Variants in CFAP54 observed in about 807,000 individuals in gnomAD.
CFAP54 encodes cilia and flagella associated protein 54.
Under a neutral mutation model 370.4 loss-of-function variants are expected in CFAP54, and 290 were observed. The observed-to-expected ratio is 0.78, with a 90% CI of 0.71 to 0.86. The LOEUF is 0.86. CFAP54 is among the 40% of genes least tolerant of loss of function. The pLI, the probability that CFAP54 is intolerant of heterozygous loss-of-function variation, is 0.00. For missense variants in CFAP54, 3,399 were observed against 3,528.7 expected (o/e 0.96, Z 0.93); for synonymous variants, 1,206 against 1,236.5 (o/e 0.98, Z 0.52).
At chr12:96,550,147 C>G (rs2136396488) in intron 15 of CFAP54, among the ~76,000 whole-genome samples, 1 of 152,214 alleles carries the variant, frequency 6.6e-6, no homozygotes, top group African/African-American at 2.4e-5. Flanking sequence ...TAGCCCTATA[C>G]CTGCGACATG....
At chr12:96,548,054 TA>T in intron 15 of CFAP54, 76 bp downstream of exon 15, 1 of 599,254 alleles carries the variant, frequency 1.7e-6, no homozygotes, top group African/African-American at 1.9e-5. Flanking sequence ...TGTAAATGCA[TA>T]ATGGTTAATT....
At chr12:96,793,020 G>A (rs1047537778) in intron 63 of CFAP54, among the ~76,000 whole-genome samples, 1 of 151,418 alleles carries the variant, frequency 6.6e-6, no homozygotes, top group Non-Finnish European at 1.5e-5. Context: ...AGTAATATTG[G>A]GCTATTTTTA....
At chr12:96,867,004 T>G (rs1017061847) in intron 67 of CFAP54, among the ~76,000 whole-genome samples, 2 of 152,132 alleles carry the variant, frequency 1.3e-5, no homozygotes, top group African/African-American at 2.4e-5. Flanking sequence ...GGGGTTTGGA[T>G]GAAATGCAGT....
intron 60 of CFAP54, among the ~76,000 whole-genome samples, chr12:96,781,128 A>T (rs1282081332): frequency 6.6e-6 from 1 of 152,154 alleles, no homozygotes; most frequent in Non-Finnish European, 1.5e-5. Context: ...ATGTCAGCAC[A>T]AACTGGAGTG....
chr12:96,577,357 T>A (rs748610177), intron 20 of CFAP54, among the ~76,000 whole-genome samples: 4 of 152,226 alleles, frequency 2.6e-5, no homozygotes, highest in Non-Finnish European at 5.9e-5. Context: ...TGACTAAAAC[T>A]TGAGATTCAG....
chr12:96,768,426 G>T (rs1958423975), intron 60 of CFAP54, among the ~76,000 whole-genome samples: 1 of 152,160 alleles, frequency 6.6e-6, no homozygotes, highest in Non-Finnish European at 1.5e-5. Flanking sequence ...GCCAAGAAGG[G>T]TGGATCACTT....
At chr12:96,840,010 T>C (rs1270642412) in intron 66 of CFAP54, among the ~76,000 whole-genome samples, 1 of 152,226 alleles carries the variant, frequency 6.6e-6, no homozygotes, top group Non-Finnish European at 1.5e-5. Flanking sequence ...TCCTCAGTAG[T>C]GCAGAATCCA....
intron 39 of CFAP54, among the ~76,000 whole-genome samples, chr12:96,665,086 T>G (rs1957063949): frequency 6.9e-6 from 1 of 144,136 alleles, no homozygotes; most frequent in South Asian, 2.2e-4. Flanking sequence ...GAGCTTTTTT[T>G]CATATGATTG....
chr12:96,500,206 G>A lies in CFAP54; in HGVS notation c.318-628G>A, dbSNP rs141484822. ...TAAGTGAAAGAAGCCAATCTGAAAA[G>A]GCTTCCTACTATATGATTCCAACTA... On this transcript the variant is annotated intron_variant, in intron 1 of 67. Transcript: ENST00000524981. 4.2e-3 allele frequency among the ~76,000 whole-genome samples: 641 copies of A among 152,304 alleles called. 8 individuals carry two copies. The highest frequency in any genetic ancestry group is 0.015 in the African/African-American group (606 of 41,564).
intron 52 of CFAP54, among the ~76,000 whole-genome samples, chr12:96,743,019 A>G (rs911309537): frequency 1.3e-5 from 2 of 152,164 alleles, no homozygotes; most frequent in African/African-American, 4.8e-5. Context: ...TACCTACTTT[A>G]TAGGATTATT....
chr12:96,560,272 C>T (rs1478055406), intron 17 of CFAP54, among the ~76,000 whole-genome samples: 2 of 152,102 alleles, frequency 1.3e-5, no homozygotes, highest in African/African-American at 4.8e-5. Context: ...TGGTTATCCC[C>T]CTACCCCCAA....
At chr12:96,707,777 CAGAT>C (rs1957561638) in intron 47 of CFAP54, among the ~76,000 whole-genome samples, 1 of 151,998 alleles carries the variant, frequency 6.6e-6, no homozygotes, top group African/African-American at 2.4e-5. Context: ...GTGGATGAAA[CAGAT>C]GGAGGAGTTT....
At chr12:96,559,690 A>T (rs1955795747) in intron 17 of CFAP54, among the ~76,000 whole-genome samples, 1 of 152,154 alleles carries the variant, frequency 6.6e-6, no homozygotes, top group African/African-American at 2.4e-5. Context: ...ACATGGACAT[A>T]TCCATAGGCT....
intron 60 of CFAP54, among the ~76,000 whole-genome samples, chr12:96,778,788 T>C (rs1177017274): frequency 6.6e-6 from 1 of 152,184 alleles, no homozygotes; most frequent in African/African-American, 2.4e-5. Context: ...AGCATTTTAC[T>C]CTATTATAAA....
At chr12:96,743,319 TGTGATGAAA>T in intron 52 of CFAP54, 74 bp from the exon 53 acceptor site, 1 of 1,346,864 alleles carries the variant, frequency 7.4e-7, no homozygotes, top group Non-Finnish European at 1.0e-6. Flanking sequence ...ACAATATTTC[TGTGATGAAA>T]ATTGGGGCTA....
rs547444003 is a variant in CFAP54 at position 96,508,349 on chromosome 12, G to A, written c.739+1250G>A. Among the ~76,000 whole-genome samples, 386 of 148,730 alleles carry A rather than the reference G, an allele frequency of 2.6e-3. 1 individual carries two copies. Among genetic ancestry groups the A allele is most frequent in the African/African-American group, 9.1e-3 (367 of 40,248 alleles). Reference sequence around the variant, plus strand: ...TGCCCAGGCTGGAGTACAGTGGCATGATCTCGGCTCACTGCAACCTCCACC... The same window carrying A: ...TGCCCAGGCTGGAGTACAGTGGCATAATCTCGGCTCACTGCAACCTCCACC... On this transcript the variant is annotated intron_variant, in intron 4 of 67. Coordinates refer to ENST00000524981, the MANE Select transcript of CFAP54 (RefSeq NM_001306084.2).
At chr12:96,858,482 C>T (rs1348522771) in intron 66 of CFAP54, among the ~76,000 whole-genome samples, 3 of 152,178 alleles carry the variant, frequency 2.0e-5, no homozygotes, top group Non-Finnish European at 2.9e-5. Context: ...TATGCAGAAG[C>T]TCTTAAGTTT....
chr12:96,584,201 C>T (rs373407803), intron 22 of CFAP54, among the ~76,000 whole-genome samples: 20 of 151,956 alleles, frequency 1.3e-4, no homozygotes, highest in East Asian at 7.7e-4. Context: ...TAGTGGCTCA[C>T]GCCTGTAATC....
chr12:96,873,241 A>G (rs989844712), intron 67 of CFAP54, among the ~76,000 whole-genome samples: 2 of 152,234 alleles, frequency 1.3e-5, no homozygotes, highest in South Asian at 2.1e-4. Flanking sequence ...TTCATAGGTT[A>G]TGAAATGGGA....
Sources: gnomAD v4.1 joint callset for allele counts (sites outside exome capture counted in the v4.1 genomes callset) on GRCh38, gnomAD v4.1.1 for gene constraint, MANE v1.5 for transcripts, NCBI Gene and HGNC (gene_info 2026-07-23, HGNC 2026-07-21) for gene names.